The following SH3RF2 variants were observed in gnomAD, a reference collection of about 807,000 sequenced individuals.
The protein encoded by SH3RF2 is E3 ubiquitin-protein ligase SH3RF2.
SH3RF2 carries 43 observed loss-of-function variants against 59.0 expected under a neutral mutation model. That is an observed-to-expected ratio of 0.73 (90% CI 0.57 to 0.94). The LOEUF is 0.94. Among genes scored for constraint, SH3RF2 ranks in the 40% least tolerant of loss-of-function variants. The pLI is 0.00. For synonymous variants in SH3RF2, 391 were observed against 391.5 expected (o/e 1.00, Z 0.01); for missense variants, 930 against 940.1 (o/e 0.99, Z 0.14).
At chr5:146,018,203 G>C (rs1331148361) in intron 5 of SH3RF2, among the ~76,000 whole-genome samples, 1 of 152,046 alleles carries the variant, frequency 6.6e-6, no homozygotes, top group Admixed American at 6.5e-5. Context: ...CACCGGAGTA[G>C]CCTCCATTGT....
chr5:145,995,104 C>T (rs944674688), intron 2 of SH3RF2, among the ~76,000 whole-genome samples: 6 of 152,062 alleles, frequency 3.9e-5, no homozygotes, highest in Admixed American at 3.3e-4. Context: ...GGTGTGGAAG[C>T]TCTGAAACCC....
downstream of SH3RF2, chr5:146,063,422 G>T (rs1580946317): frequency 2.0e-5 from 3 of 152,224 alleles, no homozygotes; most frequent in Non-Finnish European, 2.9e-5. Flanking sequence ...TAAGCAGAAA[G>T]CATGTGGCTG....
chr5:146,064,781 AAGG>A (rs760012760), downstream of SH3RF2, among the ~76,000 whole-genome samples: 2,251 of 17,864 alleles, frequency 0.13, 165 homozygotes, highest in Middle Eastern at 0.33. Context: ...GAAGGAAAGG[AAGG>A]AAGGAAGGAA....
downstream of SH3RF2, among the ~76,000 whole-genome samples, chr5:146,066,699 C>T (rs1192792843): frequency 6.6e-6 from 1 of 152,156 alleles, no homozygotes; most frequent in Non-Finnish European, 1.5e-5. Flanking sequence ...AGATCTTCAG[C>T]ATTTGGGTTT....
chr5:145,952,842 G>A (rs940761689), intron 2 of SH3RF2, among the ~76,000 whole-genome samples: 6 of 152,172 alleles, frequency 3.9e-5, no homozygotes, highest in African/African-American at 1.2e-4. Flanking sequence ...GCAGTGGGCA[G>A]TAAAGCTTAA....
At chr5:146,010,698 T>C (rs950860071) in intron 4 of SH3RF2, among the ~76,000 whole-genome samples, 1 of 152,354 alleles carries the variant, frequency 6.6e-6, no homozygotes, top group South Asian at 2.1e-4. Flanking sequence ...TGTACGTTCA[T>C]ATCTTTTGCC....
intron 5 of SH3RF2, among the ~76,000 whole-genome samples, chr5:146,037,221 T>A (rs1761966567): frequency 6.6e-6 from 1 of 152,204 alleles, no homozygotes; most frequent in South Asian, 2.1e-4. Context: ...AGGTAGCCAC[T>A]ATTCTTGCCC....
At chr5:146,071,103 T>C (rs1427132151) in intron 9 of SH3RF2, among the ~76,000 whole-genome samples, 1 of 152,174 alleles carries the variant, frequency 6.6e-6, no homozygotes, top group Non-Finnish European at 1.5e-5. Flanking sequence ...CCAAGAGGAT[T>C]GTGAAGGCTA....
At chr5:145,960,206 C>A (rs1482233893) in intron 2 of SH3RF2, among the ~76,000 whole-genome samples, 3 of 152,180 alleles carry the variant, frequency 2.0e-5, no homozygotes, top group African/African-American at 7.2e-5. Context: ...GAATGTGCCA[C>A]TATGCCCAGC....
chr5:145,945,114 T>C (rs184011518), intron 2 of SH3RF2, among the ~76,000 whole-genome samples: 238 of 152,312 alleles, frequency 1.6e-3, no homozygotes, highest in African/African-American at 5.6e-3. Flanking sequence ...AGGTATTCAT[T>C]ATAAGATGTA....
chr5:145,974,574 C>A (rs1759213180), intron 2 of SH3RF2, among the ~76,000 whole-genome samples: 1 of 152,220 alleles, frequency 6.6e-6, no homozygotes, highest in Non-Finnish European at 1.5e-5. Context: ...GTTATCTTCA[C>A]ATGCATTTTA....
At chr5:146,014,573 C>A (rs1339476072) in intron 5 of SH3RF2, among the ~76,000 whole-genome samples, 2 of 152,054 alleles carry the variant, frequency 1.3e-5, no homozygotes, top group Non-Finnish European at 2.9e-5. Flanking sequence ...AGGACCCAGT[C>A]CAAAATGAAA....
intron 2 of SH3RF2, among the ~76,000 whole-genome samples, chr5:145,965,829 T>G (rs927248153): frequency 6.6e-6 from 1 of 152,086 alleles, no homozygotes; most frequent in Non-Finnish European, 1.5e-5. Flanking sequence ...ATATTTAAAG[T>G]GTGGTTGGTA....
intron 2 of SH3RF2, among the ~76,000 whole-genome samples, chr5:145,985,980 G>A (rs1232140078): frequency 6.6e-6 from 1 of 150,780 alleles, no homozygotes; most frequent in Non-Finnish European, 1.5e-5. Context: ...CTCCAGCCTG[G>A]GCAACAGAGC....
At chr5:145,938,746 A>G (rs1448413014) in intron 2 of SH3RF2, among the ~76,000 whole-genome samples, 1 of 152,196 alleles carries the variant, frequency 6.6e-6, no homozygotes, top group Non-Finnish European at 1.5e-5. Flanking sequence ...ATTTTACCCA[A>G]ATCCATCTTC....
chr5:146,020,064 C>A (rs1392762666), intron 5 of SH3RF2, among the ~76,000 whole-genome samples: 1 of 152,058 alleles, frequency 6.6e-6, no homozygotes, highest in Non-Finnish European at 1.5e-5. Context: ...GGTTTGACTT[C>A]TTCTTTTCTA....
chr5:145,996,174 T>C (rs1180200381), intron 2 of SH3RF2, among the ~76,000 whole-genome samples: 4 of 152,230 alleles, frequency 2.6e-5, no homozygotes, highest in African/African-American at 9.6e-5. Flanking sequence ...CTCGGAATTC[T>C]TCTTTCAAAT....
At chr5:146,035,033 G>A (rs970813244) in intron 5 of SH3RF2, among the ~76,000 whole-genome samples, 3 of 151,906 alleles carry the variant, frequency 2.0e-5, no homozygotes, top group African/African-American at 7.3e-5. Context: ...TTGAACCCGA[G>A]AAGTGGAGAT....
At chr5:145,941,076 G>A (rs1295374525) in intron 2 of SH3RF2, among the ~76,000 whole-genome samples, 2 of 152,156 alleles carry the variant, frequency 1.3e-5, no homozygotes, top group Admixed American at 1.3e-4. Context: ...TAAATAACCT[G>A]TTGTCACAGG....
Sources: gnomAD v4.1 joint callset for allele counts (sites outside exome capture counted in the v4.1 genomes callset) on GRCh38, gnomAD v4.1.1 for gene constraint, MANE v1.5 for transcripts, NCBI Gene and HGNC (gene_info 2026-07-23, HGNC 2026-07-21) for gene names.